SGCG: variants seen among roughly 807,000 people sequenced by gnomAD.
SGCG encodes the protein gamma-sarcoglycan.
In SGCG, 26 loss-of-function variants were observed where a neutral mutation model predicts 29.3. The observed-to-expected ratio is 0.89, with a 90% confidence interval of 0.65 to 1.23. The LOEUF (loss-of-function observed/expected upper bound fraction) is 1.23. Among genes scored for constraint, SGCG ranks in the 50% most tolerant of loss-of-function variants. SGCG has a pLI of 0.00. For missense variants in SGCG, 353 were observed against 356.0 expected (o/e 0.99, Z 0.07); for synonymous variants, 145 against 129.7 (o/e 1.12, Z -0.80).
chr13:23,288,570 C>T (rs187214990), intron 5 of SGCG, among the ~76,000 whole-genome samples: 18 of 152,228 alleles, frequency 1.2e-4, no homozygotes, highest in Admixed American at 9.8e-4. Context: ...TTTATGGAAG[C>T]GATTAAACAA....
chr13:23,174,232 T>C, the SGCG span, among the ~76,000 whole-genome samples: 6 of 152,104 alleles, frequency 3.9e-5, no homozygotes, highest in East Asian at 1.2e-3. Context: ...GCCACAGCTG[T>C]GGGAGCCTCA....
chr13:23,231,767 C>T (rs192116842), intron 2 of SGCG, among the ~76,000 whole-genome samples: 1 of 152,118 alleles, frequency 6.6e-6, no homozygotes, highest in South Asian at 2.1e-4. Flanking sequence ...AGTTGTCAAC[C>T]TCTTTAGACT....
intron 7 of SGCG, 74 bp from the exon 8 acceptor site, chr13:23,324,294 T>G: frequency 7.1e-7 from 1 of 1,406,616 alleles, no homozygotes; most frequent in Non-Finnish European, 1.0e-6. Flanking sequence ...TTGGAAATCT[T>G]GTGAGAATGG....
At position 23,278,636 on chromosome 13, in the gene SGCG, G is replaced by A. The variant is rs78219129; in HGVS notation, c.386-723G>A. 7.1e-3 allele frequency among the ~76,000 whole-genome samples: 1,088 copies of A among 152,290 alleles called. 9 individuals are homozygous for A. Among genetic ancestry groups the A allele is most frequent in the African/African-American group, 0.025 (1,038 of 41,560 alleles). ...CTGAGGTGCGTGTGTAGCTGAGTGA[G>A]TGGGAGGTGTGACCTCACCCTCACA... is the stretch of plus-strand genomic sequence containing the variant. On this transcript the variant is annotated intron_variant, in intron 4 of 7. Transcript: ENST00000218867.
chr13:23,289,885 CA>C (rs1233399274), intron 5 of SGCG, among the ~76,000 whole-genome samples: 5 of 152,074 alleles, frequency 3.3e-5, no homozygotes, highest in Non-Finnish European at 7.4e-5. Flanking sequence ...AAGATCAATC[CA>C]ACCATTACAA....
chr13:23,161,500 A>G, the SGCG span, among the ~76,000 whole-genome samples: 1 of 152,236 alleles, frequency 6.6e-6, no homozygotes. Flanking sequence ...TAATAAAGCA[A>G]TGGAATCGTA....
chr13:23,174,079 TCAGA>T, the SGCG span, among the ~76,000 whole-genome samples: 1 of 152,184 alleles, frequency 6.6e-6, no homozygotes, highest in Non-Finnish European at 1.5e-5. Context: ...ACCAAAAGTG[TCAGA>T]CAATCTGCTT....
At chr13:23,209,406 C>A (rs748529548) in intron 2 of SGCG, among the ~76,000 whole-genome samples, 1 of 152,060 alleles carries the variant, frequency 6.6e-6, no homozygotes, top group African/African-American at 2.4e-5. Flanking sequence ...TAGATATTTC[C>A]TTAGATAAAT....
At chr13:23,203,135 AT>A (rs1877831945) in intron 1 of SGCG, among the ~76,000 whole-genome samples, 1 of 151,846 alleles carries the variant, frequency 6.6e-6, no homozygotes, top group African/African-American at 2.4e-5. Context: ...AATTTTTTGT[AT>A]TTTTAGTAGA....
At position 23,224,071 on chromosome 13, in the gene SGCG, G is replaced by A. The variant is rs151000192; in HGVS notation, c.196-10540G>A. Among the ~76,000 whole-genome samples the A allele has an allele frequency of 6.5e-3, 987 of 152,282 alleles. 9 individuals carry two copies. The highest frequency in any genetic ancestry group is 0.037 in the Middle Eastern group (11 of 294). On this transcript the variant is annotated intron_variant, in intron 2 of 7. Transcript: ENST00000218867. ...CTGGTATCTAATAGGACATTTTAGT[G>A]GTTTCCATTTTCTATGTATGTGACT...
intron 2 of SGCG, among the ~76,000 whole-genome samples, chr13:23,224,681 C>CACACACACACAG (rs1555236925): frequency 8.4e-6 from 1 of 119,562 alleles, no homozygotes; most frequent in Admixed American, 8.5e-5. Flanking sequence ...CACACACACA[C>CACACACACACAG]CCCACACCAG....
intron 4 of SGCG, among the ~76,000 whole-genome samples, chr13:23,266,961 C>G (rs1006039250): frequency 6.6e-6 from 1 of 152,112 alleles, no homozygotes; most frequent in Non-Finnish European, 1.5e-5. Context: ...AACACAAATT[C>G]CAAAGAAAGT....
the SGCG span, among the ~76,000 whole-genome samples, chr13:23,175,833 A>G: frequency 6.6e-6 from 1 of 152,154 alleles, no homozygotes; most frequent in African/African-American, 2.4e-5. Flanking sequence ...TATTAATTAT[A>G]TTAGTTAAAA....
At chr13:23,190,768 TAAG>T (rs1565993226) in intron 1 of SGCG, among the ~76,000 whole-genome samples, 2 of 152,162 alleles carry the variant, frequency 1.3e-5, no homozygotes, top group Admixed American at 1.3e-4. Flanking sequence ...AGATAAACCT[TAAG>T]AAGTCAGATT....
chr13:23,210,488 A>G (rs1878151620), intron 2 of SGCG, among the ~76,000 whole-genome samples: 1 of 152,108 alleles, frequency 6.6e-6, no homozygotes, highest in African/African-American at 2.4e-5. Context: ...TCAGGAGATC[A>G]AGACCATCCT....
upstream of SGCG, among the ~76,000 whole-genome samples, chr13:23,180,521 C>T (rs1053745264): frequency 1.5e-4 from 23 of 152,058 alleles, no homozygotes; most frequent in African/African-American, 4.6e-4. Flanking sequence ...GGTAATATGC[C>T]GTTCATTTGG....
intron 4 of SGCG, among the ~76,000 whole-genome samples, chr13:23,272,539 G>A (rs1365285205): frequency 6.6e-6 from 1 of 152,110 alleles, no homozygotes; most frequent in Admixed American, 6.5e-5. Flanking sequence ...GTTGCGCTGT[G>A]CTTCTTTCTG....
At chr13:23,160,521 C>T in the SGCG span, among the ~76,000 whole-genome samples, 3 of 152,248 alleles carry the variant, frequency 2.0e-5, no homozygotes, top group Admixed American at 2.0e-4. Flanking sequence ...GTCGTCGCTG[C>T]GGTCGCTGAG....
chr13:23,254,975 G>A (rs1255478214), intron 4 of SGCG, among the ~76,000 whole-genome samples: 1 of 152,240 alleles, frequency 6.6e-6, no homozygotes, highest in African/African-American at 2.4e-5. Context: ...AAGCCTGGAT[G>A]TCCAGTCTGA....
Sources: gnomAD v4.1 joint callset for allele counts (sites outside exome capture counted in the v4.1 genomes callset) on GRCh38, gnomAD v4.1.1 for gene constraint, MANE v1.5 for transcripts, NCBI Gene and HGNC (gene_info 2026-07-23, HGNC 2026-07-21) for gene names.